AGR3: variants seen among roughly 807,000 people sequenced by gnomAD.
AGR3 encodes the protein anterior gradient protein 3.
AGR3 carries 37 observed loss-of-function variants against 24.5 expected under a neutral mutation model. The observed-to-expected ratio is 1.51, with a 90% CI of 1.16 to 1.99. The LOEUF (loss-of-function observed/expected upper bound fraction) is 1.99, where lower values mean the gene tolerates loss of function less well. Ranked by LOEUF, AGR3 falls within the 30% of genes most tolerant of loss-of-function variation. AGR3 has a pLI of 0.00. For synonymous variants in AGR3, 75 were observed against 61.6 expected (o/e 1.22, Z -1.02); for missense variants, 228 against 191.1 (o/e 1.19, Z -1.14).
At position 16,862,668 on chromosome 7, in the gene AGR3, C is replaced by G. The variant is rs1583835943; in HGVS notation, c.174-6G>C. ...TAACCATTAATGGCTTCTTACTAAA[C>G]AAAGAAAGTATGGAATTAAGTCAAA... On this transcript the variant is annotated splice_region_variant and splice_polypyrimidine_tract_variant and intron_variant, in intron 3 of 7. Coordinates refer to ENST00000310398, the MANE Select transcript of AGR3 (RefSeq NM_176813.5). 1.3e-6 allele frequency: 2 copies of G among 1,541,018 alleles called. No homozygotes were observed. The highest frequency in any genetic ancestry group is 1.3e-5 in the South Asian group (1 of 78,686).
intron 2 of AGR3, among the ~76,000 whole-genome samples, chr7:16,875,230 C>A (rs530172580): frequency 1.3e-5 from 2 of 152,080 alleles, no homozygotes; most frequent in African/African-American, 4.8e-5. Context: ...AAAAAGAAAC[C>A]CTATACCATT....
At chr7:16,859,294 G>A (rs1203103786), downstream of AGR3, 7 of 225,906 alleles carry the variant, frequency 3.1e-5, no homozygotes, top group Non-Finnish European at 5.9e-5. Context: ...AAGGAGAGGT[G>A]AAGAAATAGA....
intron 3 of AGR3, chr7:16,866,011 A>C (rs1781752217): frequency 1.5e-6 from 1 of 654,452 alleles, no homozygotes; most frequent in Non-Finnish European, 2.8e-6. Context: ...AGTTCATGCT[A>C]ACTTTCTGGT....
At chr7:16,858,476 A>G (rs1478407379), downstream of AGR3, among the ~76,000 whole-genome samples, 1 of 152,226 alleles carries the variant, frequency 6.6e-6, no homozygotes. Context: ...AATAAATATA[A>G]TCCTTTCCTA....
At chr7:16,864,281 C>T in intron 3 of AGR3, 2 of 1,353,756 alleles carry the variant, frequency 1.5e-6, no homozygotes, top group Admixed American at 3.4e-5. Context: ...CCATCACTCT[C>T]ATAGTCTTCT....
chr7:16,859,865 A>G (rs1781606874), intron 7 of AGR3, among the ~76,000 whole-genome samples: 1 of 152,134 alleles, frequency 6.6e-6, no homozygotes, highest in Non-Finnish European at 1.5e-5. Flanking sequence ...GGTTTTGAGG[A>G]GTACCTCTTT....
intron 3 of AGR3, among the ~76,000 whole-genome samples, chr7:16,869,831 G>C (rs1240930265): frequency 7.3e-5 from 11 of 151,552 alleles, no homozygotes; most frequent in Non-Finnish European, 1.6e-4. Flanking sequence ...GTAATATACT[G>C]TTTATTATTG....
intron 3 of AGR3, among the ~76,000 whole-genome samples, chr7:16,870,074 C>T (rs556208893): frequency 2.3e-4 from 35 of 151,988 alleles, no homozygotes; most frequent in Admixed American, 1.8e-3. Flanking sequence ...ATAATATGCA[C>T]TGCCATTGGT....
intron 3 of AGR3, among the ~76,000 whole-genome samples, chr7:16,863,251 C>A (rs1781684310): frequency 6.6e-6 from 1 of 152,144 alleles, no homozygotes; most frequent in Admixed American, 6.6e-5. Context: ...TTATTATGAA[C>A]AATGTATTCA....
At chr7:16,867,698 A>G (rs997489088) in intron 3 of AGR3, among the ~76,000 whole-genome samples, 7 of 152,028 alleles carry the variant, frequency 4.6e-5, no homozygotes, top group Admixed American at 3.9e-4. Context: ...CTTTGTTTCT[A>G]TGAGTTTGAC....
intron 3 of AGR3, among the ~76,000 whole-genome samples, chr7:16,863,861 T>C (rs1781697431): frequency 2.0e-5 from 3 of 152,148 alleles, no homozygotes; most frequent in African/African-American, 7.2e-5. Flanking sequence ...ACATGCTTTT[T>C]TTTTAAGGCA....
chr7:16,855,504 C>G (rs73680475), downstream of AGR3, among the ~76,000 whole-genome samples: 12,120 of 152,166 alleles, frequency 0.08, 1,613 homozygotes, highest in African/African-American at 0.27. Context: ...ATTGTGGGTG[C>G]TCTCCACAAT....
intron 2 of AGR3, 65 bp from the exon 3 acceptor site, chr7:16,873,908 C>A: frequency 3.3e-6 from 4 of 1,202,826 alleles, no homozygotes; most frequent in Non-Finnish European, 4.9e-6. Context: ...AAATGGGTAT[C>A]TAATAATCAG....
rs193198883 is a variant in AGR3, at chr7:16,863,843, T to C, written c.174-1181A>G. 1.2e-3 allele frequency among the ~76,000 whole-genome samples: 180 copies of C among 152,258 alleles called. 2 individuals carry two copies. Among genetic ancestry groups the C allele is most frequent in the East Asian group, 1.5e-3 (8 of 5,188 alleles). Reference sequence around the variant, plus strand: ...CTAAACATTTACATTTGTACACTTATTTGCTAAACATGCTTTTTTTTTAAG... The same window carrying C: ...CTAAACATTTACATTTGTACACTTACTTGCTAAACATGCTTTTTTTTTAAG... On this transcript the variant is annotated intron_variant, in intron 3 of 7. Coordinates refer to ENST00000310398, the MANE Select transcript of AGR3 (RefSeq NM_176813.5).
chr7:16,868,767 G>A (rs751091416), intron 3 of AGR3, among the ~76,000 whole-genome samples: 5 of 152,046 alleles, frequency 3.3e-5, no homozygotes, highest in Admixed American at 6.6e-5. Flanking sequence ...TTTAAATACC[G>A]CTTTAATTTT....
intron 3 of AGR3, chr7:16,864,509 G>C: frequency 3.9e-6 from 5 of 1,269,680 alleles, no homozygotes; most frequent in South Asian, 2.4e-5. Flanking sequence ...CTGTCAGTCA[G>C]GGCTTCCATT....
downstream of AGR3, among the ~76,000 whole-genome samples, chr7:16,854,763 C>T (rs886980984): frequency 2.0e-5 from 3 of 152,126 alleles, no homozygotes; most frequent in Non-Finnish European, 4.4e-5. Context: ...TGGTTCCTTC[C>T]GAGGGCTGTG....
In AGR3 at chr7:16,878,589, G is replaced by T; in HGVS notation, c.30C>A (p.Cys10Ter). The change falls in exon 2 of 8, where the codon TGC (cysteine) becomes TGA (stop). Residue 10 changes from cysteine (C) to a stop codon, truncating the protein, a stop_gained. Coordinates refer to ENST00000310398, the MANE Select transcript of AGR3 (RefSeq NM_176813.5). LOFTEE classifies it high-confidence loss of function. ...TGGAAGAAACTGTGACGAGTAAGAG[G>T]CAGAGACCCAAAGCTGAGTGTAGCA... MMLHSALGL[C>*]LLLVTVSSNL... 6.2e-7 allele frequency: 1 copy of T among 1,614,104 alleles called. No homozygotes were observed. Among genetic ancestry groups the T allele is most frequent in the South Asian group, 1.1e-5 (1 of 91,076 alleles).
At chr7:16,880,086 C>CCCTTCCTTCCTTCCTTCTTTCCTT in intron 1 of AGR3, among the ~76,000 whole-genome samples, 1 of 138,134 alleles carries the variant, frequency 7.2e-6, no homozygotes, top group Admixed American at 7.2e-5. Flanking sequence ...TCCTTCTTTC[C>CCCTTCCTTCCTTCCTTCTTTCCTT]CCTTCCTTCC....
Sources: gnomAD v4.1 joint callset for allele counts (sites outside exome capture counted in the v4.1 genomes callset) on GRCh38, gnomAD v4.1.1 for gene constraint, MANE v1.5 for transcripts, NCBI Gene and HGNC (gene_info 2026-07-23, HGNC 2026-07-21) for gene names.